VEZT: variants seen among roughly 807,000 people sequenced by gnomAD.
The protein encoded by VEZT is vezatin, adherens junctions transmembrane protein, also known as vezatin.
A neutral mutation model predicts 79.9 loss-of-function variants in VEZT; 39 were observed. The ratio of observed to expected loss-of-function variants is 0.49; its 90% CI spans 0.38 to 0.64. The LOEUF is 0.64. Among genes scored for constraint, VEZT ranks in the 30% least tolerant of loss-of-function variants. The pLI is 0.00. For missense variants in VEZT, 837 were observed against 893.1 expected (o/e 0.94, Z 0.80); for synonymous variants, 325 against 327.6 (o/e 0.99, Z 0.09).
At chr12:95,279,076 A>T (rs2068428526) in intron 7 of VEZT, among the ~76,000 whole-genome samples, 1 of 152,226 alleles carries the variant, frequency 6.6e-6, no homozygotes, top group African/African-American at 2.4e-5. Flanking sequence ...GTCTCAACAT[A>T]AATAAATAAA....
chr12:95,225,055 G>A (rs191576667), intron 1 of VEZT, among the ~76,000 whole-genome samples: 1 of 152,300 alleles, frequency 6.6e-6, no homozygotes, highest in East Asian at 1.9e-4. Flanking sequence ...CTGGCCTCGG[G>A]CTGTATTCCT....
chr12:95,266,822 G>C (rs1181955585), intron 5 of VEZT, among the ~76,000 whole-genome samples, 190 bp downstream of exon 5: 1 of 152,158 alleles, frequency 6.6e-6, no homozygotes, highest in Non-Finnish European at 1.5e-5. Context: ...TTAATATGTA[G>C]TATGATTCTG....
intron 3 of VEZT, among the ~76,000 whole-genome samples, chr12:95,260,963 A>G (rs560315428): frequency 6.6e-6 from 1 of 151,828 alleles, no homozygotes; most frequent in South Asian, 2.1e-4. Context: ...TATGAAACAT[A>G]AAAGTGCTGC....
chr12:95,224,237 GTTTGGGTGTTTC>G (rs1255595922), intron 1 of VEZT: 17 of 455,852 alleles, frequency 3.7e-5, no homozygotes, highest in Non-Finnish European at 7.1e-5. Context: ...CGCCAGAGAG[GTTTGGGTGTTTC>G]TTGTCTGAAT....
At chr12:95,273,783 C>T (rs2067105287) in intron 6 of VEZT, among the ~76,000 whole-genome samples, 1 of 151,778 alleles carries the variant, frequency 6.6e-6, no homozygotes, top group South Asian at 2.1e-4. Flanking sequence ...AGTGGAGAAA[C>T]AAAATGTTTA....
Position 95,300,188 on chromosome 12 carries a change from G to A in VEZT, c.1855G>A (p.Val619Ile), listed in dbSNP as rs772421495. 9.8e-6 allele frequency: 15 copies of A among 1,537,538 alleles called. No individual in the cohort carries two copies. The highest frequency in any genetic ancestry group is 2.1e-5 in the Admixed American group (1 of 48,338). Residue 619 changes from valine (V) to isoleucine (I), a missense_variant, in exon 12 of 12, where the codon GTA becomes ATA. By Grantham distance (29) the Val-to-Ile change is conservative. Transcript: ENST00000436874. ...AGCCGTGTTGAAATCCTTGTCTCCT[G>A]TAGACCCAGTGGAACCCATAAGTAA... ...DHAVLKSLSP[V>I]DPVEPISNSE...
chr12:95,259,154 T>C (rs2063941205), intron 3 of VEZT, among the ~76,000 whole-genome samples: 1 of 151,664 alleles, frequency 6.6e-6, no homozygotes. Flanking sequence ...TCTGTATGTC[T>C]ATGTTTGTGC....
chr12:95,225,361 TG>T (rs2058267846), intron 1 of VEZT, among the ~76,000 whole-genome samples: 1 of 152,082 alleles, frequency 6.6e-6, no homozygotes, highest in Admixed American at 6.6e-5. Flanking sequence ...GAGACCTTCC[TG>T]GCTAATGCTG....
intron 8 of VEZT, among the ~76,000 whole-genome samples, chr12:95,285,573 T>C (rs2070533016): frequency 6.6e-6 from 1 of 152,314 alleles, no homozygotes; most frequent in South Asian, 2.1e-4. Flanking sequence ...GTCCTTGCAG[T>C]TGGTAGTAAT....
chr12:95,222,698 T>TA (rs1012724015), intron 1 of VEZT, among the ~76,000 whole-genome samples: 4 of 151,966 alleles, frequency 2.6e-5, no homozygotes, highest in Admixed American at 2.0e-4. Context: ...AAAATAAAAA[T>TA]AAAAAAACCC....
At chr12:95,268,366 C>T (rs574746522) in intron 5 of VEZT, among the ~76,000 whole-genome samples, 7 of 151,992 alleles carry the variant, frequency 4.6e-5, no homozygotes, top group Non-Finnish European at 8.8e-5. Flanking sequence ...GGCGTGGTGG[C>T]GGGTGCCTGT....
chr12:95,295,351 A>G (rs1181946622), intron 10 of VEZT, among the ~76,000 whole-genome samples: 5 of 151,748 alleles, frequency 3.3e-5, no homozygotes, highest in Non-Finnish European at 5.9e-5. Flanking sequence ...TAGTAGAGAC[A>G]GGGTTTCACC....
chr12:95,232,257 C>T (rs2059370583), intron 1 of VEZT, among the ~76,000 whole-genome samples: 1 of 152,134 alleles, frequency 6.6e-6, no homozygotes, highest in East Asian at 1.9e-4. Flanking sequence ...GATACCTTTT[C>T]CCTAGAGATT....
chr12:95,294,248 C>A (rs755939076), intron 9 of VEZT, 24 bp from the exon 10 acceptor site: 1 of 1,535,796 alleles, frequency 6.5e-7, no homozygotes, highest in Non-Finnish European at 8.9e-7. Flanking sequence ...TATCTTTATT[C>A]CCATCTATTC....
chr12:95,228,996 T>C (rs1167035786), intron 1 of VEZT, among the ~76,000 whole-genome samples: 1 of 152,144 alleles, frequency 6.6e-6, no homozygotes. Flanking sequence ...AATAAGACCC[T>C]TTCTCAAAAC....
intron 7 of VEZT, among the ~76,000 whole-genome samples, chr12:95,280,801 G>A (rs1394351330): frequency 2.0e-5 from 3 of 151,942 alleles, no homozygotes; most frequent in Admixed American, 6.6e-5. Context: ...CTGAATGAAC[G>A]AACAAAAGAA....
intron 1 of VEZT, among the ~76,000 whole-genome samples, chr12:95,251,658 A>G (rs1322482492): frequency 6.6e-6 from 1 of 152,150 alleles, no homozygotes; most frequent in Non-Finnish European, 1.5e-5. Flanking sequence ...CAATCTATTT[A>G]TATTCCTAAA....
chr12:95,264,518 C>A (rs2065127577), intron 4 of VEZT, among the ~76,000 whole-genome samples: 1 of 152,134 alleles, frequency 6.6e-6, no homozygotes, highest in African/African-American at 2.4e-5. Flanking sequence ...CTCACTGCAG[C>A]CTCAGCCTCC....
rs1221420165 is a variant in VEZT, at chr12:95,235,408, C to T, written c.37-16532C>T. Reference sequence around the variant, plus strand: ...CTCCCGGACGGGGCGGCTGGCTGGGCGGGAGGCTGACCTCCCCACCTCCCT... The same window carrying T: ...CTCCCGGACGGGGCGGCTGGCTGGGTGGGAGGCTGACCTCCCCACCTCCCT... On this transcript the variant is annotated intron_variant, in intron 1 of 11. Transcript: ENST00000436874. Among the ~76,000 whole-genome samples, 9 of 121,992 alleles carry T rather than the reference C, an allele frequency of 7.4e-5. 2 individuals carry two copies. The East Asian group carries it at 8.1e-4, about 11-fold the overall frequency. The allele number at this position is 121,992 out of a possible 152,430, so 80.0% of individuals were successfully genotyped here. A position where few individuals can be genotyped will look rare whatever the true frequency, so the allele number is the denominator to read the frequency against.
Sources: allele counts gnomAD v4.1 joint callset (sites outside exome capture counted in the v4.1 genomes callset), GRCh38; gene constraint gnomAD v4.1.1; transcripts MANE v1.5; gene names NCBI Gene and HGNC (gene_info 2026-07-23, HGNC 2026-07-21).